Variants in SYNPR observed in about 807,000 individuals in gnomAD.
SYNPR encodes the protein synaptoporin.
SYNPR carries 23 observed loss-of-function variants against 32.9 expected under a neutral mutation model. The ratio of observed to expected loss-of-function variants is 0.70; its 90% confidence interval spans 0.50 to 0.99. The LOEUF (loss-of-function observed/expected upper bound fraction) is 0.99, where lower values mean the gene tolerates loss of function less well. SYNPR is among the 50% of genes least tolerant of loss of function. SYNPR has a pLI of 0.00. For missense variants in SYNPR, 318 were observed against 349.3 expected (o/e 0.91, Z 0.71); for synonymous variants, 146 against 135.9 (o/e 1.07, Z -0.52).
chr3:63,592,851 T>C (rs1699862666), intron 4 of SYNPR, among the ~76,000 whole-genome samples: 1 of 152,146 alleles, frequency 6.6e-6, no homozygotes, highest in Admixed American at 6.6e-5. Flanking sequence ...GAGTGAACTT[T>C]CAGGAGCTGG....
chr3:63,571,799 A>G (rs1702892052), intron 4 of SYNPR, among the ~76,000 whole-genome samples: 1 of 152,150 alleles, frequency 6.6e-6, no homozygotes, highest in African/African-American at 2.4e-5. Flanking sequence ...TTTTTCCAGA[A>G]GAAAAAAATT....
At chr3:63,401,339 G>C (rs1055874591) in intron 2 of SYNPR, among the ~76,000 whole-genome samples, 1 of 152,172 alleles carries the variant, frequency 6.6e-6, no homozygotes, top group African/African-American at 2.4e-5. Context: ...GAGCCATTTA[G>C]TTAAGAGCAT....
chr3:63,524,351 A>C (rs1029077588), intron 3 of SYNPR, among the ~76,000 whole-genome samples: 1 of 152,216 alleles, frequency 6.6e-6, no homozygotes, highest in Non-Finnish European at 1.5e-5. Flanking sequence ...TAATAAGATT[A>C]AGAAGATAGA....
intron 2 of SYNPR, among the ~76,000 whole-genome samples, chr3:63,311,692 T>C (rs2086965680): frequency 6.6e-6 from 1 of 152,038 alleles, no homozygotes; most frequent in Admixed American, 6.6e-5. Flanking sequence ...TTTAAAGTTG[T>C]GTGTGTATGT....
intron 2 of SYNPR, among the ~76,000 whole-genome samples, chr3:63,382,269 GC>G (rs1431802433): frequency 7.2e-5 from 11 of 152,268 alleles, no homozygotes; most frequent in Admixed American, 7.2e-4. Context: ...CATTGTTACT[GC>G]CCAAAGGCAT....
At chr3:63,615,116 A>G (rs1700260020) in intron 5 of SYNPR, 108 bp from the exon 6 acceptor site, 2 of 1,355,042 alleles carry the variant, frequency 1.5e-6, no homozygotes, top group Admixed American at 5.3e-5. Flanking sequence ...CGGACTCAAC[A>G]TTAAAGTGAA....
chr3:63,275,112 G>C (rs1355584191), upstream of SYNPR, among the ~76,000 whole-genome samples: 1 of 152,210 alleles, frequency 6.6e-6, no homozygotes, highest in Non-Finnish European at 1.5e-5. Context: ...TATCATGATA[G>C]ATTCATCATA....
chr3:63,437,924 C>G (rs1176465431), intron 2 of SYNPR, among the ~76,000 whole-genome samples: 1 of 152,162 alleles, frequency 6.6e-6, no homozygotes, highest in Non-Finnish European at 1.5e-5. Context: ...GTTCAGCCTG[C>G]TGGGACACAG....
At chr3:63,392,861 T>C (rs1270209968) in intron 2 of SYNPR, among the ~76,000 whole-genome samples, 5 of 152,196 alleles carry the variant, frequency 3.3e-5, no homozygotes, top group Admixed American at 3.3e-4. Context: ...GGCTCAAAGG[T>C]AAATCTCTAG....
intron 2 of SYNPR, among the ~76,000 whole-genome samples, chr3:63,405,634 T>C (rs1005558340): frequency 6.6e-6 from 1 of 152,160 alleles, no homozygotes; most frequent in Non-Finnish European, 1.5e-5. Context: ...GAGATGATCA[T>C]ATTAATGCTT....
chr3:63,218,914 T>C, the SYNPR span, among the ~76,000 whole-genome samples: 1 of 152,230 alleles, frequency 6.6e-6, no homozygotes, highest in African/African-American at 2.4e-5. Flanking sequence ...AATTGGTTAA[T>C]TCATTTTGCA....
At chr3:63,296,114 GGT>G (rs1328652249) in intron 2 of SYNPR, among the ~76,000 whole-genome samples, 1 of 152,030 alleles carries the variant, frequency 6.6e-6, no homozygotes, top group East Asian at 1.9e-4. Flanking sequence ...AGTGATAAGA[GGT>G]GTGGCATACA....
At chr3:63,610,526 C>T (rs1480777060) in intron 5 of SYNPR, 2 of 700,056 alleles carry the variant, frequency 2.9e-6, no homozygotes, top group East Asian at 5.4e-5. Context: ...AGGGTTGCTA[C>T]TCTGACTGGA....
intron 2 of SYNPR, among the ~76,000 whole-genome samples, chr3:63,458,520 A>G (rs1212791386): frequency 6.6e-6 from 1 of 152,118 alleles, no homozygotes; most frequent in Non-Finnish European, 1.5e-5. Flanking sequence ...GCTTGTTCTC[A>G]TGGCAATCAC....
intron 3 of SYNPR, among the ~76,000 whole-genome samples, chr3:63,507,987 T>C (rs1382179393): frequency 6.6e-6 from 1 of 152,058 alleles, no homozygotes; most frequent in Non-Finnish European, 1.5e-5. Context: ...TTGTTTAACC[T>C]GATATATCCA....
At chr3:63,226,662 G>A (rs1322957970), upstream of SYNPR, among the ~76,000 whole-genome samples, 1 of 152,142 alleles carries the variant, frequency 6.6e-6, no homozygotes, top group African/African-American at 2.4e-5. Context: ...TGATCTCATG[G>A]AGACAGAGAA....
chr3:63,317,676 T>C lies in SYNPR; in HGVS notation c.84+38934T>C, dbSNP rs117525176. 9.2e-5 allele frequency among the ~76,000 whole-genome samples: 14 copies of C among 152,192 alleles called. No individual in the cohort carries two copies. In the East Asian group the frequency reaches 2.1e-3, roughly 23 times the overall value. On this transcript the variant is annotated intron_variant, in intron 2 of 5. Transcript: ENST00000478300. ...CAGATAGTTGGTTGGTGAGTTCTTA[T>C]TCATTCTGTAGTTCTGTATCTTTTA...
chr3:63,591,864 G>T (rs9714067), intron 4 of SYNPR, among the ~76,000 whole-genome samples: 1 of 147,068 alleles, frequency 6.8e-6, no homozygotes. Context: ...GCTAGATGAC[G>T]CGTTAGTGGG....
chr3:63,325,995 T>G (rs1319272708), intron 2 of SYNPR, among the ~76,000 whole-genome samples: 1 of 152,004 alleles, frequency 6.6e-6, no homozygotes, highest in East Asian at 1.9e-4. Context: ...AAATTGTCAT[T>G]TTTATTCATT....
Sources: allele counts gnomAD v4.1 joint callset (sites outside exome capture counted in the v4.1 genomes callset), GRCh38; gene constraint gnomAD v4.1.1; transcripts MANE v1.5; gene names NCBI Gene and HGNC (gene_info 2026-07-23, HGNC 2026-07-21).